Variants in FILIP1L observed in about 807,000 individuals in gnomAD.
FILIP1L encodes the protein filamin A interacting protein 1 like, also known as filamin A-interacting protein 1-like.
A neutral mutation model predicts 96.6 loss-of-function variants in FILIP1L; 55 were observed. The ratio of observed to expected loss-of-function variants is 0.57; its 90% CI spans 0.46 to 0.71. The LOEUF is 0.71. FILIP1L is among the 30% of genes least tolerant of loss of function. FILIP1L has a pLI of 0.00. For synonymous variants in FILIP1L, 467 were observed against 473.9 expected, an observed-to-expected ratio of 0.99 and a Z score of 0.19; for missense variants, 1,304 against 1,321.2, an observed-to-expected ratio of 0.99 and a Z score of 0.20.
intron 1 of FILIP1L, among the ~76,000 whole-genome samples, chr3:100,029,057 G>A (rs569099520): frequency 6.6e-6 from 1 of 152,102 alleles, no homozygotes; most frequent in African/African-American, 2.4e-5. Flanking sequence ...TGGAATGGTG[G>A]TGCATGCCTA....
At chr3:99,957,574 T>C (rs985665108) in intron 1 of FILIP1L, among the ~76,000 whole-genome samples, 5 of 152,116 alleles carry the variant, frequency 3.3e-5, no homozygotes, top group Non-Finnish European at 5.9e-5. Context: ...CCGTAAACAG[T>C]TGGAATTTTC....
At chr3:100,036,066 G>A (rs1250341424) in intron 1 of FILIP1L, among the ~76,000 whole-genome samples, 1 of 152,098 alleles carries the variant, frequency 6.6e-6, no homozygotes, top group Non-Finnish European at 1.5e-5. Flanking sequence ...AAAAACCCCT[G>A]TACCATCTCT....
intron 1 of FILIP1L, among the ~76,000 whole-genome samples, chr3:99,942,207 A>G (rs1160162533): frequency 6.6e-6 from 1 of 152,168 alleles, no homozygotes; most frequent in Non-Finnish European, 1.5e-5. Flanking sequence ...ATCTCAAAAA[A>G]AAAAAAAGAA....
chr3:100,056,604 A>C (rs2065467528), intron 1 of FILIP1L, among the ~76,000 whole-genome samples: 1 of 152,108 alleles, frequency 6.6e-6, no homozygotes, highest in Non-Finnish European at 1.5e-5. Context: ...GTCATAATCT[A>C]ATTAACACAG....
At chr3:99,865,434 C>T (rs1174546316) in intron 4 of FILIP1L, among the ~76,000 whole-genome samples, 3 of 152,182 alleles carry the variant, frequency 2.0e-5, no homozygotes, top group South Asian at 2.1e-4. Context: ...CCCAAATCAC[C>T]ACCACTAGCA....
intron 1 of FILIP1L, among the ~76,000 whole-genome samples, chr3:99,979,874 A>G (rs1166012981): frequency 6.6e-6 from 1 of 152,170 alleles, no homozygotes; most frequent in East Asian, 1.9e-4. Context: ...AATTTTGTGT[A>G]TTGTCTTAAA....
intron 5 of FILIP1L, among the ~76,000 whole-genome samples, chr3:99,842,939 G>C (rs565641931): frequency 1.3e-5 from 2 of 152,314 alleles, no homozygotes; most frequent in South Asian, 4.1e-4. Flanking sequence ...GCCTTTGGGG[G>C]ATGGCTGCTC....
intron 1 of FILIP1L, among the ~76,000 whole-genome samples, chr3:100,045,658 C>T (rs1338714048): frequency 1.3e-5 from 2 of 152,192 alleles, no homozygotes; most frequent in African/African-American, 4.8e-5. Context: ...ATTGCTGCTG[C>T]AGTGACTGAT....
intron 1 of FILIP1L, among the ~76,000 whole-genome samples, chr3:99,996,556 C>T (rs1349154821): frequency 6.6e-6 from 1 of 152,148 alleles, no homozygotes; most frequent in East Asian, 1.9e-4. Flanking sequence ...CTGTATTAGT[C>T]AGTTTTCATG....
chr3:100,098,375 G>T (rs1267522700), intron 1 of FILIP1L, among the ~76,000 whole-genome samples: 1 of 152,168 alleles, frequency 6.6e-6, no homozygotes, highest in Non-Finnish European at 1.5e-5. Context: ...GCCAGTTACT[G>T]AACTTCTCTC....
At chr3:100,083,322 A>G (rs564746942) in intron 1 of FILIP1L, among the ~76,000 whole-genome samples, 131 of 152,354 alleles carry the variant, frequency 8.6e-4, no homozygotes, top group African/African-American at 3.1e-3. Context: ...TATTTTAGAT[A>G]AGTAGCCCTT....
chr3:99,994,347 A>C (rs1709610377), intron 1 of FILIP1L, among the ~76,000 whole-genome samples: 1 of 152,216 alleles, frequency 6.6e-6, no homozygotes, highest in Non-Finnish European at 1.5e-5. Context: ...AAAGTAACAA[A>C]GAAATATTGG....
chr3:99,877,863 A>G (rs1487112778), intron 4 of FILIP1L, among the ~76,000 whole-genome samples: 1 of 152,086 alleles, frequency 6.6e-6, no homozygotes, highest in East Asian at 1.9e-4. Flanking sequence ...TTTTACCCCA[A>G]AGCTAACAGT....
At chr3:100,009,123 G>A (rs565132395) in intron 1 of FILIP1L, among the ~76,000 whole-genome samples, 20 of 152,220 alleles carry the variant, frequency 1.3e-4, no homozygotes, top group East Asian at 9.6e-4. Context: ...GAATATTCCC[G>A]AATGAGAATT....
At chr3:99,931,840 G>A (rs1404702070) in intron 1 of FILIP1L, among the ~76,000 whole-genome samples, 6 of 152,170 alleles carry the variant, frequency 3.9e-5, no homozygotes, top group Admixed American at 3.9e-4. Context: ...ATAATAGGAA[G>A]AAAAATTCTT....
At chr3:100,048,715 G>T (rs1190936112) in intron 1 of FILIP1L, among the ~76,000 whole-genome samples, 5 of 152,112 alleles carry the variant, frequency 3.3e-5, no homozygotes, top group South Asian at 2.1e-4. Context: ...GTCCAGGTGG[G>T]TTTTATGTTT....
At chr3:99,993,014 T>C (rs1038141430) in intron 1 of FILIP1L, among the ~76,000 whole-genome samples, 10 of 152,104 alleles carry the variant, frequency 6.6e-5, no homozygotes, top group African/African-American at 1.7e-4. Context: ...TTCTGTTCCA[T>C]TGATCTGTGT....
intron 4 of FILIP1L, among the ~76,000 whole-genome samples, chr3:99,857,731 T>C (rs537107663): frequency 1.3e-5 from 2 of 152,368 alleles, no homozygotes; most frequent in South Asian, 4.1e-4. Flanking sequence ...CTGTATTGTT[T>C]CTATTAGTTT....
intron 1 of FILIP1L, among the ~76,000 whole-genome samples, chr3:99,976,219 A>G (rs1708966757): frequency 6.6e-6 from 1 of 152,192 alleles, no homozygotes; most frequent in Non-Finnish European, 1.5e-5. Flanking sequence ...GGTGGAACAT[A>G]GTAAGTCCAT....
Sources: allele counts gnomAD v4.1 joint callset (sites outside exome capture counted in the v4.1 genomes callset), GRCh38; gene constraint gnomAD v4.1.1; transcripts MANE v1.5; gene names NCBI Gene and HGNC (gene_info 2026-07-23, HGNC 2026-07-21).